Variants in TMPRSS11F observed in about 807,000 individuals in gnomAD.
The protein encoded by TMPRSS11F is transmembrane protease serine 11F.
Under a neutral mutation model 60.2 loss-of-function variants are expected in TMPRSS11F, and 47 were observed. That is an observed-to-expected ratio of 0.78 (90% CI 0.62 to 1.00). The LOEUF (loss-of-function observed/expected upper bound fraction) is 1.00, where lower values mean the gene tolerates loss of function less well. Ranked by LOEUF, TMPRSS11F falls within the 50% of genes least tolerant of loss-of-function variation. The probability of loss-of-function intolerance (pLI) is 0.00; values close to 1 mark genes in which losing one functional copy is unlikely to be tolerated. For missense variants in TMPRSS11F, 519 were observed against 522.9 expected (o/e 0.99, Z 0.07); for synonymous variants, 166 against 167.3 (o/e 0.99, Z 0.06).
intron 1 of TMPRSS11F, among the ~76,000 whole-genome samples, chr4:68,109,410 G>A (rs1192362826): frequency 1.3e-5 from 2 of 152,118 alleles, no homozygotes; most frequent in African/African-American, 2.4e-5. Flanking sequence ...GAAAGCATTT[G>A]CCACATATCT....
rs770395114 is a variant in TMPRSS11F, at chr4:68,068,835, A to C, written c.554-16T>G. 3 of 1,612,512 alleles carry C rather than the reference A, an allele frequency of 1.9e-6. No individual in the cohort carries two copies. Among genetic ancestry groups the C allele is most frequent in the Admixed American group, 1.7e-5 (1 of 60,014 alleles). On this transcript the variant is annotated splice_polypyrimidine_tract_variant and intron_variant, in intron 6 of 9. Transcript: ENST00000356291. The stretch of plus-strand genomic sequence containing the variant: ...ATTCCACAGCCTGCCACAGAAATAC[A>C]TGATCATTCATATTCATAAAAAGGA...
chr4:68,107,396 G>A (rs1171669089), intron 1 of TMPRSS11F, among the ~76,000 whole-genome samples: 1 of 152,104 alleles, frequency 6.6e-6, no homozygotes, highest in Non-Finnish European at 1.5e-5. Context: ...TGAGGGAGGT[G>A]GTAGGATTAA....
chr4:68,103,652 C>A (rs1210413788), intron 1 of TMPRSS11F, among the ~76,000 whole-genome samples: 1 of 152,030 alleles, frequency 6.6e-6, no homozygotes, highest in Non-Finnish European at 1.5e-5. Context: ...TCTTTTATGG[C>A]TCCATACAAA....
At chr4:68,110,516 T>C (rs1247635466) in intron 1 of TMPRSS11F, among the ~76,000 whole-genome samples, 1 of 152,156 alleles carries the variant, frequency 6.6e-6, no homozygotes, top group Non-Finnish European at 1.5e-5. Flanking sequence ...TATAACATAC[T>C]AGTTAGAAGC....
At position 68,053,857 on chromosome 4, in the gene TMPRSS11F, C is replaced by A. The variant is rs541707802; in HGVS notation, c.*52G>T. On this transcript the variant is annotated 3_prime_UTR_variant, in exon 10 of 10. Transcript: ENST00000356291. ...AAATGAATTTAAACAATACAAAATA[C>A]GCAGGAGTATCAGCTCTGTGTGCCA... 2.6e-6 allele frequency: 4 copies of A among 1,517,552 alleles called. No homozygotes were observed. The East Asian group carries it at 9.1e-5, about 35-fold the overall frequency. 94.0% of individuals were successfully genotyped at this position (1,517,552 alleles called of 1,614,324 possible).
intron 1 of TMPRSS11F, among the ~76,000 whole-genome samples, chr4:68,124,945 A>AT (rs370189875): frequency 0.3 from 28,485 of 93,534 alleles, 4,897 homozygotes; most frequent in East Asian, 0.51. Context: ...CTAAACCAGC[A>AT]TTTTTTTTTT....
intron 8 of TMPRSS11F, among the ~76,000 whole-genome samples, chr4:68,061,098 A>C (rs1006422558): frequency 7.2e-5 from 11 of 152,136 alleles, no homozygotes; most frequent in Non-Finnish European, 1.5e-4. Context: ...ATGATACATT[A>C]GGTAAGAAGC....
At chr4:68,068,941 G>C in intron 6 of TMPRSS11F, 122 bp from the exon 7 acceptor site, 1 of 966,724 alleles carries the variant, frequency 1.0e-6, no homozygotes. Context: ...ATAGCACTCA[G>C]CCTTTGAGCT....
At position 68,078,907 on chromosome 4, in the gene TMPRSS11F, T is replaced by C. The variant is rs1723638965; in HGVS notation, c.283-4898A>G. The stretch of plus-strand genomic sequence containing the variant: ...TCTAGCACATCTGATTAATGTCCTT[T>C]GAAATTCTGAACTGTGTACATATGA... On this transcript the variant is annotated intron_variant, in intron 3 of 9. Transcript: ENST00000356291. 2.0e-5 allele frequency among the ~76,000 whole-genome samples: 3 copies of C among 151,992 alleles called. No homozygotes were observed. In the South Asian group the frequency reaches 6.2e-4, roughly 32 times the overall value.
At chr4:68,116,114 T>C (rs1211059102) in intron 1 of TMPRSS11F, among the ~76,000 whole-genome samples, 1 of 152,072 alleles carries the variant, frequency 6.6e-6, no homozygotes, top group African/African-American at 2.4e-5. Context: ...TTATAAAACT[T>C]AGAAAATACA....
rs80089330 is a variant in TMPRSS11F, at chr4:68,074,480, C to A, written c.283-471G>T. ...CTTACCTTGTTTGCTGCACTCATCC[C>A]AAATATGGCATCTCATCCAGTATTG... On this transcript the variant is annotated intron_variant, in intron 3 of 9. Transcript: ENST00000356291. Among the ~76,000 whole-genome samples the A allele has an allele frequency of 6.3e-3, 961 of 152,292 alleles. 10 individuals are homozygous for A. The highest frequency in any genetic ancestry group is 0.022 in the African/African-American group (902 of 41,550).
At chr4:68,100,058 G>T (rs1397096409) in intron 1 of TMPRSS11F, among the ~76,000 whole-genome samples, 3 of 150,986 alleles carry the variant, frequency 2.0e-5, no homozygotes, top group African/African-American at 7.3e-5. Context: ...AAAAAAAAAG[G>T]ACAGAGAAAA....
chr4:68,066,056 T>C (rs1036278129), intron 7 of TMPRSS11F, among the ~76,000 whole-genome samples: 1 of 145,172 alleles, frequency 6.9e-6, no homozygotes, highest in African/African-American at 2.6e-5. Context: ...GAGGTGGAGG[T>C]TGCATTAAGC....
At chr4:68,074,769 A>T (rs1723549796) in intron 3 of TMPRSS11F, among the ~76,000 whole-genome samples, 2 of 152,216 alleles carry the variant, frequency 1.3e-5, no homozygotes, top group Non-Finnish European at 2.9e-5. Context: ...TTCTGATTCC[A>T]GCTGGCTATT....
chr4:68,122,151 T>C (rs1362404416), intron 1 of TMPRSS11F, among the ~76,000 whole-genome samples: 1 of 152,186 alleles, frequency 6.6e-6, no homozygotes, highest in Non-Finnish European at 1.5e-5. Context: ...TAGGATAACA[T>C]AGAATAATTA....
Position 68,064,889 on chromosome 4 carries a change from C to T in TMPRSS11F, c.811G>A (p.Ala271Thr), listed in dbSNP as rs750121063. ...ATTTTCCTCACATTTCGTTTCACTGCGGGTGGTGTTATAGTTGCACCAAAA... is the reference window on the plus strand; with the variant it reads ...ATTTTCCTCACATTTCGTTTCACTGTGGGTGGTGTTATAGTTGCACCAAAA... Reference protein sequence around the residue: ...ATFGATITPPAVKRNVRKIIL... With the variant: ...ATFGATITPPTVKRNVRKIIL... Residue 271 changes from alanine to threonine, a missense_variant, in exon 8 of 10, where the codon GCA becomes ACA. Coordinates refer to ENST00000356291, the MANE Select transcript of TMPRSS11F (RefSeq NM_207407.2). 5.2e-5 allele frequency: 84 copies of T among 1,613,856 alleles called. No individual in the cohort carries two copies. The highest frequency in any genetic ancestry group is 2.9e-4 in the South Asian group (26 of 91,064).
At chr4:68,077,439 C>A (rs1469234665) in intron 3 of TMPRSS11F, 1 of 152,196 alleles carries the variant, frequency 6.6e-6, no homozygotes, top group Non-Finnish European at 1.5e-5. Context: ...GATGCCCTGA[C>A]TTTTGTAAAT....
At chr4:68,100,941 T>C (rs1184015420) in intron 1 of TMPRSS11F, among the ~76,000 whole-genome samples, 3 of 152,150 alleles carry the variant, frequency 2.0e-5, no homozygotes, top group Non-Finnish European at 2.9e-5. Context: ...TTTGAGTATG[T>C]AGCTTGTGAA....
chr4:68,072,730 T>C (rs535012083), intron 4 of TMPRSS11F, among the ~76,000 whole-genome samples: 12 of 152,054 alleles, frequency 7.9e-5, no homozygotes, highest in South Asian at 2.1e-4. Context: ...CTGAAAACAG[T>C]TGTTCACTGT....
Sources: gnomAD v4.1 joint callset for allele counts (sites outside exome capture counted in the v4.1 genomes callset) on GRCh38, gnomAD v4.1.1 for gene constraint, MANE v1.5 for transcripts, NCBI Gene and HGNC (gene_info 2026-07-23, HGNC 2026-07-21) for gene names.